The following RTN4RL1 variants were observed in gnomAD, a reference collection of about 807,000 sequenced individuals.
RTN4RL1 encodes the protein reticulon 4 receptor like 1.
RTN4RL1 carries 7 observed loss-of-function variants against 25.6 expected under a neutral mutation model. That is an observed-to-expected ratio of 0.27 (90% CI 0.16 to 0.51). The LOEUF (loss-of-function observed/expected upper bound fraction) is 0.51. Among genes scored for constraint, RTN4RL1 ranks in the 20% least tolerant of loss-of-function variants. RTN4RL1 has a pLI of 0.97. For missense variants in RTN4RL1, 500 were observed against 615.6 expected, an observed-to-expected ratio of 0.81 and a Z score of 1.99; for synonymous variants, 297 against 288.2, an observed-to-expected ratio of 1.03 and a Z score of -0.31.
At chr17:2,000,329 C>T (rs1251095467) in intron 1 of RTN4RL1, among the ~76,000 whole-genome samples, 2 of 152,010 alleles carry the variant, frequency 1.3e-5, no homozygotes, top group Admixed American at 1.3e-4. Flanking sequence ...ACACAAAGTC[C>T]TACTTTGGGT....
chr17:2,008,024 G>A (rs1040831387), intron 1 of RTN4RL1, among the ~76,000 whole-genome samples: 1 of 152,076 alleles, frequency 6.6e-6, no homozygotes, highest in African/African-American at 2.4e-5. Flanking sequence ...TGTAATCCCA[G>A]CACTTTGGGA....
Position 1,937,458 on chromosome 17 carries a change from G to T in RTN4RL1, c.364C>A (p.Gln122Lys). ...QLRTLAPETF[Q>K]GLVKLHALYL... ...AGGGCGTGAAGCTTCACCAGGCCCT[G>T]GAAGGTCTCGGGTGCCAGCGTCCGC... The change falls in exon 2 of 2, where the codon CAG becomes AAG. Residue 122 changes from glutamine (Q) to lysine (K), a missense_variant. Around this residue, in one of 2 missense-constraint regions of RTN4RL1, gnomAD observed 232 missense variants for 341.1 expected, o/e 0.68. Transcript: ENST00000331238. 6.2e-7 allele frequency: 1 copy of T among 1,613,952 alleles called. No individual in the cohort carries two copies. The highest frequency in any genetic ancestry group is 8.5e-7 in the Non-Finnish European group (1 of 1,179,884).
chr17:2,023,000 C>A (rs895252187), intron 1 of RTN4RL1, among the ~76,000 whole-genome samples: 2 of 152,230 alleles, frequency 1.3e-5, no homozygotes, highest in African/African-American at 4.8e-5. Context: ...CTCTTGGAGG[C>A]TGCTGGAGCC....
intron 1 of RTN4RL1, among the ~76,000 whole-genome samples, chr17:1,980,947 G>GA (rs2066864835): frequency 1.5e-5 from 1 of 67,544 alleles, no homozygotes; most frequent in Non-Finnish European, 3.2e-5. Context: ...AAAAAAAAAA[G>GA]AAGTGGAGCA....
chr17:1,972,977 G>T (rs996109041), intron 1 of RTN4RL1, among the ~76,000 whole-genome samples: 1 of 152,210 alleles, frequency 6.6e-6, no homozygotes, highest in South Asian at 2.1e-4. Flanking sequence ...CTCCAGCGGG[G>T]ATATCAGGTG....
chr17:1,979,531 G>C (rs1408526012), intron 1 of RTN4RL1, among the ~76,000 whole-genome samples: 2 of 152,104 alleles, frequency 1.3e-5, no homozygotes, highest in Admixed American at 6.5e-5. Flanking sequence ...GAGTGGGGGG[G>C]TGTGGGTTGG....
chr17:1,982,941 A>G (rs1351876967), intron 1 of RTN4RL1, among the ~76,000 whole-genome samples: 2 of 152,102 alleles, frequency 1.3e-5, no homozygotes, highest in Non-Finnish European at 2.9e-5. Flanking sequence ...GGTTTTCCCC[A>G]GTTCTCTCTC....
chr17:1,968,593 C>T (rs1166987280), intron 1 of RTN4RL1, among the ~76,000 whole-genome samples: 1 of 152,206 alleles, frequency 6.6e-6, no homozygotes, highest in African/African-American at 2.4e-5. Flanking sequence ...GCTCAGCGCA[C>T]TCAGGAGCTA....
chr17:1,956,348 G>T (rs1008127997), intron 1 of RTN4RL1, among the ~76,000 whole-genome samples: 4 of 151,984 alleles, frequency 2.6e-5, no homozygotes, highest in African/African-American at 9.7e-5. Context: ...TCATCAGTGG[G>T]GGTGTGAAGC....
At chr17:2,000,143 G>T (rs909324824) in intron 1 of RTN4RL1, among the ~76,000 whole-genome samples, 5 of 152,244 alleles carry the variant, frequency 3.3e-5, no homozygotes, top group Non-Finnish European at 5.9e-5. Context: ...GGGAGAAGGC[G>T]TGTCTGCCAA....
intron 1 of RTN4RL1, among the ~76,000 whole-genome samples, chr17:1,938,530 C>A (rs947951902): frequency 6.6e-6 from 1 of 151,502 alleles, no homozygotes; most frequent in Admixed American, 6.6e-5. Context: ...TCGAACTCCC[C>A]GCCTCAGGTG....
intron 1 of RTN4RL1, among the ~76,000 whole-genome samples, chr17:1,967,222 G>T (rs1210171065): frequency 6.6e-6 from 1 of 151,368 alleles, no homozygotes; most frequent in Non-Finnish European, 1.5e-5. Flanking sequence ...CAGGATTTTT[G>T]CATGCAATTG....
At chr17:2,008,146 G>C (rs1401204867) in intron 1 of RTN4RL1, among the ~76,000 whole-genome samples, 2 of 151,506 alleles carry the variant, frequency 1.3e-5, no homozygotes, top group Non-Finnish European at 2.9e-5. Context: ...GTGCATGCCT[G>C]TAATTCCAGC....
At chr17:1,997,834 G>C (rs561156265) in intron 1 of RTN4RL1, among the ~76,000 whole-genome samples, 3 of 152,038 alleles carry the variant, frequency 2.0e-5, no homozygotes, top group African/African-American at 4.8e-5. Context: ...CCTCCTACTC[G>C]GGCCTGCATC....
At chr17:1,980,264 C>T (rs1158243399) in intron 1 of RTN4RL1, among the ~76,000 whole-genome samples, 1 of 147,598 alleles carries the variant, frequency 6.8e-6, no homozygotes, top group East Asian at 2.0e-4. Context: ...AGAGACAGGA[C>T]CTCACTATGT....
intron 1 of RTN4RL1, among the ~76,000 whole-genome samples, chr17:2,006,982 G>A (rs1368140140): frequency 6.6e-6 from 1 of 151,952 alleles, no homozygotes; most frequent in African/African-American, 2.4e-5. Flanking sequence ...TTGGCGATGG[G>A]GTCCTGGAAA....
At chr17:1,990,727 T>A (rs1202018801) in intron 1 of RTN4RL1, among the ~76,000 whole-genome samples, 4 of 152,078 alleles carry the variant, frequency 2.6e-5, no homozygotes, top group African/African-American at 4.8e-5. Context: ...TGTAATACAA[T>A]CAAGGCTAAC....
chr17:2,009,808 G>A (rs1471801457), intron 1 of RTN4RL1, among the ~76,000 whole-genome samples: 1 of 127,458 alleles, frequency 7.8e-6, no homozygotes, highest in African/African-American at 3.0e-5. Context: ...GGGACTGACC[G>A]CAAGTTCTGG....
chr17:1,992,192 A>G (rs1327969746), intron 1 of RTN4RL1, among the ~76,000 whole-genome samples: 48 of 151,862 alleles, frequency 3.2e-4, no homozygotes, highest in African/African-American at 4.8e-5. Flanking sequence ...GTGAAACCCC[A>G]TCTCTACTAA....
Sources: allele counts gnomAD v4.1 joint callset (sites outside exome capture counted in the v4.1 genomes callset), GRCh38; gene constraint gnomAD v4.1.1; regional missense constraint gnomAD v4.1.1; transcripts MANE v1.5; gene names NCBI Gene and HGNC (gene_info 2026-07-23, HGNC 2026-07-21).